CDK5RAP1: variants seen among roughly 807,000 people sequenced by gnomAD.
The protein encoded by CDK5RAP1 is mitochondrial tRNA methylthiotransferase CDK5RAP1.
Under a neutral mutation model 64.5 loss-of-function variants are expected in CDK5RAP1, and 62 were observed. That is an observed-to-expected ratio of 0.96 (90% CI 0.78 to 1.19). The LOEUF (loss-of-function observed/expected upper bound fraction) is 1.19. CDK5RAP1 is among the 50% of genes most tolerant of loss of function. The pLI, the probability that CDK5RAP1 is intolerant of heterozygous loss-of-function variation, is 0.00. For synonymous variants in CDK5RAP1, 250 were observed against 261.9 expected, an observed-to-expected ratio of 0.95 and a Z score of 0.44; for missense variants, 657 against 735.0, an observed-to-expected ratio of 0.89 and a Z score of 1.23.
Position 33,397,223 on chromosome 20 carries a change from T to C in CDK5RAP1, c.-20-139A>G, listed in dbSNP as rs77247282. On this transcript the variant is annotated intron_variant, in intron 1 of 13. Transcript: ENST00000346416. ...GGTACTCCTAATAATATGACCTCTGTTTTACAGTTGAAAAAAACTGAGGCA... is the reference window on the plus strand; with the variant it reads ...GGTACTCCTAATAATATGACCTCTGCTTTACAGTTGAAAAAAACTGAGGCA... 8.6e-4 allele frequency: 499 copies of C among 580,690 alleles called. 3 individuals are homozygous for C. The East Asian group carries it at 0.015, about 18-fold the overall frequency. 36.0% of individuals were successfully genotyped at this position (580,690 alleles called of 1,614,324 possible). A position where few individuals can be genotyped will look rare whatever the true frequency, so the allele number is the denominator to read the frequency against.
intron 5 of CDK5RAP1, among the ~76,000 whole-genome samples, chr20:33,389,966 TACTC>T (rs1407685321): frequency 2.6e-5 from 4 of 151,584 alleles, no homozygotes; most frequent in Admixed American, 1.3e-4. Context: ...AACGGAGTAT[TACTC>T]AGCCTTATAA....
At chr20:33,394,100 C>T in intron 3 of CDK5RAP1, 34 bp from the exon 4 acceptor site, 1 of 1,456,348 alleles carries the variant, frequency 6.9e-7, no homozygotes, top group Non-Finnish European at 9.7e-7. Flanking sequence ...AGGAAAATTA[C>T]ATAATATCTT....
chr20:33,369,250 G>A (rs1392409590), intron 11 of CDK5RAP1, among the ~76,000 whole-genome samples: 6 of 152,146 alleles, frequency 3.9e-5, no homozygotes, highest in South Asian at 2.1e-4. Context: ...TTGGGAGGCC[G>A]AGGCGGGCAG....
chr20:33,372,037 A>G (rs1486202772), intron 10 of CDK5RAP1, among the ~76,000 whole-genome samples: 2 of 152,116 alleles, frequency 1.3e-5, no homozygotes, highest in Admixed American at 1.3e-4. Context: ...TTTCATCAAG[A>G]CTTCTCTGAA....
rs1187749869 is a variant in CDK5RAP1 at position 33,392,206 on chromosome 20, A to G, written c.480T>C (p.His160=). 6.2e-7 allele frequency: 1 copy of G among 1,614,048 alleles called. No individual in the cohort carries two copies. Among genetic ancestry groups the G allele is most frequent in the South Asian group, 1.1e-5 (1 of 91,076 alleles). ...GCCTTGTCTTCAAGGCTTTAAGCTGATGTAAACGGTTCCAGATGGTCTGCT... is the reference window on the plus strand; with the variant it reads ...GCCTTGTCTTCAAGGCTTTAAGCTGGTGTAAACGGTTCCAGATGGTCTGCT... ...KAEQTIWNRL[H]QLKALKTRRP... Residue 160 remains histidine (H), a synonymous_variant, in exon 5 of 14, where the codon CAT becomes CAC. Coordinates refer to ENST00000346416, the MANE Select transcript of CDK5RAP1 (RefSeq NM_016408.4).
intron 12 of CDK5RAP1, among the ~76,000 whole-genome samples, chr20:33,365,923 GAA>G (rs1983839813): frequency 6.6e-6 from 1 of 152,194 alleles, no homozygotes; most frequent in Non-Finnish European, 1.5e-5. Flanking sequence ...CTGGAGGAAA[GAA>G]AGTCTCCTCT....
rs186385730 is a variant in CDK5RAP1, at chr20:33,371,592, A to G, written c.1262-963T>C. Among the ~76,000 whole-genome samples the G allele has an allele frequency of 2.0e-5, 3 of 152,288 alleles. No individual in the cohort carries two copies. The East Asian group carries it at 5.8e-4, about 29-fold the overall frequency. On this transcript the variant is annotated intron_variant, in intron 10 of 13. Coordinates refer to ENST00000346416, the MANE Select transcript of CDK5RAP1 (RefSeq NM_016408.4). Reference sequence around the variant, plus strand: ...CACTTGAGGTCAGGAGTTCGGGACCAGCCTGGACAACATGGTGAAACCCTA... The same window carrying G: ...CACTTGAGGTCAGGAGTTCGGGACCGGCCTGGACAACATGGTGAAACCCTA...
intron 6 of CDK5RAP1, among the ~76,000 whole-genome samples, chr20:33,386,694 T>G (rs923654303): frequency 3.3e-5 from 5 of 151,782 alleles, no homozygotes; most frequent in African/African-American, 1.2e-4. Context: ...TAATAAATGT[T>G]AGCTATTATT....
chr20:33,394,118 AGCCT>A, intron 3 of CDK5RAP1, 52 bp from the exon 4 acceptor site: 34 of 1,244,766 alleles, frequency 2.7e-5, no homozygotes, highest in Non-Finnish European at 3.9e-5. Flanking sequence ...CTTGGATATT[AGCCT>A]TGTACAATTC....
chr20:33,382,074 T>C (rs1380066817), intron 7 of CDK5RAP1, among the ~76,000 whole-genome samples: 1 of 152,150 alleles, frequency 6.6e-6, no homozygotes, highest in Non-Finnish European at 1.5e-5. Flanking sequence ...ACTCCTACGC[T>C]CAAGGCACCC....
At position 33,379,415 on chromosome 20, in the gene CDK5RAP1, C is replaced by G. The variant is rs370628476; in HGVS notation, c.1107+46G>C. On this transcript the variant is annotated intron_variant, in intron 8 of 13. Transcript: ENST00000346416. ...CCTACTGGGTCCAGCCTTTGGCATGCTCAAGAATACTAATATCAGTTTGTC... is the reference window on the plus strand; with the variant it reads ...CCTACTGGGTCCAGCCTTTGGCATGGTCAAGAATACTAATATCAGTTTGTC... 8.1e-5 allele frequency: 114 copies of G among 1,413,224 alleles called. 1 individual carries two copies. The African/African-American group carries it at 1.4e-3, about 17-fold the overall frequency. 87.5% of individuals were successfully genotyped at this position (1,413,224 alleles called of 1,614,324 possible). A position where few individuals can be genotyped will look rare whatever the true frequency, so the allele number is the denominator to read the frequency against.
chr20:33,375,978 G>A (rs1381108250), intron 8 of CDK5RAP1, among the ~76,000 whole-genome samples: 2 of 152,098 alleles, frequency 1.3e-5, no homozygotes, highest in East Asian at 1.9e-4. Context: ...CTGTTCCAGC[G>A]TCCCAAGTAA....
In CDK5RAP1 at chr20:33,366,934, G is replaced by A. The variant is rs976611845; in HGVS notation, c.1467C>T (p.Ile489=). 5 of 1,613,682 alleles carry A rather than the reference G, an allele frequency of 3.1e-6. No homozygotes were observed. The highest frequency in any genetic ancestry group is 4.2e-6 in the Non-Finnish European group (5 of 1,179,888). Residue 489 remains isoleucine (I), a synonymous_variant, in exon 12 of 14, where the codon ATC becomes ATT. Coordinates refer to ENST00000346416, the MANE Select transcript of CDK5RAP1 (RefSeq NM_016408.4). ...TTGTTGCTTCTTCTCGGAAGATAGT[G>A]ATGAGTTCCTCCAAACGCCTTAATT... ...EVKLRRLEEL[I]TIFREEATKA... is the part of the protein sequence containing the mutation.
rs146095809 is a variant in CDK5RAP1, at chr20:33,396,827, A to G, written c.238T>C (p.Ser80Pro). Residue 80 changes from serine to proline, a missense_variant, in exon 2 of 14, where the codon TCT becomes CCT. Physicochemically the swap from Ser to Pro is moderately conservative, Grantham distance 74. Coordinates refer to ENST00000346416, the MANE Select transcript of CDK5RAP1 (RefSeq NM_016408.4). ...GGAGGTGGGTCTTCCACTTCTGAAG[A>G]CAGCTTCTCCTGAGGAGCTGAGGCA... is the stretch of plus-strand genomic sequence containing the variant. Reference protein sequence around the residue: ...KSASAPQEKLSSEVEDPPPYL... With the variant: ...KSASAPQEKLPSEVEDPPPYL... The G allele has an allele frequency of 3.1e-6, 5 of 1,614,122 alleles. No homozygotes were observed. In the African/African-American group the frequency reaches 5.3e-5, roughly 17 times the overall value.
rs116752152 is a variant in CDK5RAP1, at chr20:33,364,973, C to T, written c.1542+1886G>A. Among the ~76,000 whole-genome samples the T allele has an allele frequency of 9.9e-3, 1,498 of 152,046 alleles. 16 individuals are homozygous for T. The highest frequency in any genetic ancestry group is 0.033 in the African/African-American group (1,376 of 41,462). ...GCACAATCTCATCTTACTGCACCCT[C>T]GACCTCCTGGATTCAAGCAATCTTC... is the stretch of plus-strand genomic sequence containing the variant. On this transcript the variant is annotated intron_variant, in intron 12 of 13. Transcript: ENST00000346416.
chr20:33,380,986 C>T (rs1009249736), intron 7 of CDK5RAP1, among the ~76,000 whole-genome samples: 2 of 152,140 alleles, frequency 1.3e-5, no homozygotes, highest in Non-Finnish European at 1.5e-5. Context: ...GGCAACAGAG[C>T]GAGACTCCAT....
At chr20:33,371,738 G>T (rs1395277807) in intron 10 of CDK5RAP1, among the ~76,000 whole-genome samples, 1 of 152,034 alleles carries the variant, frequency 6.6e-6, no homozygotes, top group South Asian at 2.1e-4. Flanking sequence ...AGCCGAGATT[G>T]CGCCACTGCA....
chr20:33,387,344 G>A lies in CDK5RAP1; in HGVS notation c.734C>T (p.Ala245Val), dbSNP rs749880930. The A allele has an allele frequency of 5.0e-6, 8 of 1,613,808 alleles. No individual in the cohort carries two copies. The East Asian group carries it at 1.1e-4, about 22-fold the overall frequency. The change falls in exon 6 of 14, where the codon GCC becomes GTC. Residue 245 changes from alanine to valine, a missense_variant. Transcript: ENST00000346416. ...YADVMPVQTSASATSAFVSIM... is the reference protein window; with the variant it reads ...YADVMPVQTSVSATSAFVSIM... ...TCACACAAAGGCAGACGTGGCACTG[G>A]CGCTTGTCTGGACTGGCATGACATC...
chr20:33,394,674 C>T (rs1287083887), intron 3 of CDK5RAP1, among the ~76,000 whole-genome samples: 1 of 152,018 alleles, frequency 6.6e-6, no homozygotes, highest in Non-Finnish European at 1.5e-5. Context: ...GGGTACAGTC[C>T]TGTGGCATTA....
Sources: allele counts gnomAD v4.1 joint callset (sites outside exome capture counted in the v4.1 genomes callset), GRCh38; gene constraint gnomAD v4.1.1; transcripts MANE v1.5; gene names NCBI Gene and HGNC (gene_info 2026-07-23, HGNC 2026-07-21).